TBCD: variants seen among roughly 807,000 people sequenced by gnomAD.
TBCD encodes the protein tubulin-specific chaperone D.
In TBCD, 105 loss-of-function variants were observed where a neutral mutation model predicts 169.3. The ratio of observed to expected loss-of-function variants is 0.62; its 90% CI spans 0.53 to 0.73. The LOEUF is 0.73. Among genes scored for constraint, TBCD ranks in the 30% least tolerant of loss-of-function variants. The pLI is 0.00. For missense variants in TBCD, 1,444 were observed against 1,600.1 expected, an observed-to-expected ratio of 0.90 and a Z score of 1.66; for synonymous variants, 700 against 643.9, an observed-to-expected ratio of 1.09 and a Z score of -1.32.
chr17:82,931,316 A>G (rs1275833087), intron 33 of TBCD, among the ~76,000 whole-genome samples: 2 of 152,188 alleles, frequency 1.3e-5, no homozygotes, highest in Non-Finnish European at 2.9e-5. Flanking sequence ...GCTGCACATA[A>G]AGGGGCAGTT....
chr17:82,840,961 T>G (rs1430003775), intron 13 of TBCD, among the ~76,000 whole-genome samples: 4 of 128,998 alleles, frequency 3.1e-5, no homozygotes, highest in South Asian at 2.9e-4. Flanking sequence ...CTGGTTTTTT[T>G]TTTTTTTTTT....
chr17:82,936,312 G>T (rs1048687418), intron 34 of TBCD, among the ~76,000 whole-genome samples: 1 of 152,234 alleles, frequency 6.6e-6, no homozygotes. Context: ...CGTCTTTTCA[G>T]GTGTAGGTTT....
intron 38 of TBCD, chr17:82,942,233 C>T (rs551385512): frequency 1.3e-4 from 76 of 605,904 alleles, no homozygotes; most frequent in African/African-American, 7.4e-4. Context: ...CCTCCCTTCC[C>T]GCTCCCCAGA....
chr17:82,850,128 T>TTGTTGGCTG (rs1387384169), intron 13 of TBCD, among the ~76,000 whole-genome samples: 3 of 19,170 alleles, frequency 1.6e-4, no homozygotes, highest in Admixed American at 5.7e-4. Context: ...GTTGGCTGTG[T>TTGTTGGCTG]TGTTGTTGGC....
At position 82,806,466 on chromosome 17, in the gene TBCD, C is replaced by A. The variant is rs1008051350; in HGVS notation, c.1087+455C>A. ...CTGCCCTGTTCTCCTCCTGTGGGGT[C>A]TCCTGCTGCACAGAGACAGAGCCAT... is the stretch of plus-strand genomic sequence containing the variant. On this transcript the variant is annotated intron_variant, in intron 10 of 38. Coordinates refer to ENST00000355528, the MANE Select transcript of TBCD (RefSeq NM_005993.5). This position sits in a 1 kb window ranked among gnomAD's most constrained non-coding sequence, Gnocchi z 5.1. 5.3e-5 allele frequency among the ~76,000 whole-genome samples: 8 copies of A among 152,126 alleles called. No homozygotes were observed. Among genetic ancestry groups the A allele is most frequent in the Non-Finnish European group, 1.0e-4 (7 of 68,022 alleles).
At chr17:82,826,236 TA>T (rs1312030707) in intron 13 of TBCD, among the ~76,000 whole-genome samples, 6 of 152,028 alleles carry the variant, frequency 3.9e-5, no homozygotes, top group East Asian at 1.9e-4. Context: ...TTTTTTTTAT[TA>T]TTTTTTTAAC....
intron 13 of TBCD, among the ~76,000 whole-genome samples, chr17:82,827,211 T>G (rs938666073): frequency 4.6e-5 from 7 of 152,258 alleles, no homozygotes; most frequent in Admixed American, 4.6e-4. Context: ...CTCTGTGCTC[T>G]GTCACTGAGC....
intron 15 of TBCD, among the ~76,000 whole-genome samples, chr17:82,887,118 T>C (rs2058766586): frequency 6.7e-6 from 1 of 149,644 alleles, no homozygotes; most frequent in South Asian, 2.1e-4. Flanking sequence ...TCTTCCTTGG[T>C]TTTACCTGTA....
In TBCD at chr17:82,923,585, T is replaced by C; in HGVS notation, c.2179-67T>C. The stretch of plus-strand genomic sequence containing the variant: ...CTTCTCCGACTTCAGAGTGACCTGC[T>C]CTGTCCCTGGCCGGGGGCTTCTCCG... On this transcript the variant is annotated intron_variant, in intron 25 of 38. Transcript: ENST00000355528. This position sits in a 1 kb window ranked among gnomAD's most constrained non-coding sequence, Gnocchi z 4.6. 1 of 1,342,208 alleles carries C rather than the reference T, an allele frequency of 7.5e-7. No homozygotes were observed. The highest frequency in any genetic ancestry group is 1.0e-6 in the Non-Finnish European group (1 of 962,832). 83.1% of individuals were successfully genotyped at this position (1,342,208 alleles called of 1,614,324 possible).
At chr17:82,827,309 C>T (rs1367348643) in intron 13 of TBCD, among the ~76,000 whole-genome samples, 1 of 152,210 alleles carries the variant, frequency 6.6e-6, no homozygotes, top group Non-Finnish European at 1.5e-5. Context: ...TGGAGCAGTT[C>T]CCATCGTAGT....
chr17:82,876,320 G>A (rs1480486034), intron 14 of TBCD, among the ~76,000 whole-genome samples: 1 of 152,172 alleles, frequency 6.6e-6, no homozygotes, highest in Non-Finnish European at 1.5e-5. Flanking sequence ...AACGGGCGAG[G>A]ACACCTAGGG....
In TBCD at chr17:82,919,784, T is replaced by C. The variant is rs144366141; in HGVS notation, c.2039-772T>C. On this transcript the variant is annotated intron_variant, in intron 23 of 38. Coordinates refer to ENST00000355528, the MANE Select transcript of TBCD (RefSeq NM_005993.5). ...TGATGAGTGGCAGTATCTGTGACGATGGGAAGTGTGTGTGTGGTCCCTGTC... is the reference window on the plus strand; with the variant it reads ...TGATGAGTGGCAGTATCTGTGACGACGGGAAGTGTGTGTGTGGTCCCTGTC... Among the ~76,000 whole-genome samples, 947 of 152,112 alleles carry C rather than the reference T, an allele frequency of 6.2e-3. 6 individuals carry two copies. The highest frequency in any genetic ancestry group is 0.022 in the African/African-American group (903 of 41,484).
intron 9 of TBCD, 131 bp from the exon 10 acceptor site, chr17:82,805,744 C>G: frequency 9.2e-7 from 1 of 1,088,800 alleles, no homozygotes; most frequent in South Asian, 1.7e-5. Context: ...CCCTTCTTAT[C>G]CGGTCTCTGC....
intron 13 of TBCD, among the ~76,000 whole-genome samples, chr17:82,845,177 C>T (rs1478500808): frequency 6.6e-6 from 1 of 152,192 alleles, no homozygotes; most frequent in Non-Finnish European, 1.5e-5. Context: ...CCTGGTTGAG[C>T]TTTCCTAGTT....
At chr17:82,845,192 G>C (rs956551180) in intron 13 of TBCD, among the ~76,000 whole-genome samples, 1 of 152,224 alleles carries the variant, frequency 6.6e-6, no homozygotes, top group Non-Finnish European at 1.5e-5. Flanking sequence ...CTAGTTTCCA[G>C]GTCGGGGGTG....
At chr17:82,895,253 A>G (rs1202127629) in intron 17 of TBCD, among the ~76,000 whole-genome samples, 11 of 152,294 alleles carry the variant, frequency 7.2e-5, no homozygotes, top group Non-Finnish European at 1.0e-4. Flanking sequence ...GGCCCCTCCA[A>G]TCCTGAGGGC....
At position 82,844,206 on chromosome 17, in the gene TBCD, C is replaced by CGTGT. The variant is rs769300875; in HGVS notation, c.1319-25991_1319-25988dup. On this transcript the variant is annotated intron_variant, in intron 13 of 38. Transcript: ENST00000355528. ...TGGAGGAGTGGGGGTGGATGTTCTC[C>CGTGT]GTGTGTGTGTGTGTGTGTGTGTGTG... Among the ~76,000 whole-genome samples the CGTGT allele has an allele frequency of 1.5e-3, 193 of 127,476 alleles. 3 individuals carry two copies. The highest frequency in any genetic ancestry group is 4.6e-3 in the African/African-American group (147 of 31,834). 83.6% of individuals were successfully genotyped at this position (127,476 alleles called of 152,430 possible).
At position 82,833,259 on chromosome 17, in the gene TBCD, T is replaced by C. The variant is rs146491501; in HGVS notation, c.1318+18325T>C. Among the ~76,000 whole-genome samples, 1,748 of 152,234 alleles carry C rather than the reference T, an allele frequency of 0.011. 17 individuals carry two copies. The highest frequency in any genetic ancestry group is 0.035 in the South Asian group (167 of 4,814). On this transcript the variant is annotated intron_variant, in intron 13 of 38. Coordinates refer to ENST00000355528, the MANE Select transcript of TBCD (RefSeq NM_005993.5). The surrounding 1 kb of genome is among the most constrained non-coding windows in gnomAD (Gnocchi z 4.7). ...GCTGGCTGGGAGCTCTCCCAAGTGC[T>C]GTGCGCCCCTGCCGTCGGCCTGTAG...
At chr17:82,859,242 T>G (rs2056565532) in intron 13 of TBCD, among the ~76,000 whole-genome samples, 1 of 139,794 alleles carries the variant, frequency 7.2e-6, no homozygotes, top group Admixed American at 7.3e-5. Flanking sequence ...GTCTCGTGGG[T>G]CGTCTGGCCT....
Sources: allele counts gnomAD v4.1 joint callset (sites outside exome capture counted in the v4.1 genomes callset), GRCh38; gene constraint gnomAD v4.1.1; non-coding constraint Gnocchi (gnomAD v3.1); transcripts MANE v1.5; gene names NCBI Gene and HGNC (gene_info 2026-07-23, HGNC 2026-07-21).